Variants in CLIC2 observed in about 807,000 individuals in gnomAD.
The protein encoded by CLIC2 is chloride intracellular channel protein 2.
CLIC2 carries 9 observed loss-of-function variants against 14.8 expected under a neutral mutation model. The observed-to-expected ratio is 0.61, with a 90% CI of 0.37 to 1.06. The LOEUF (loss-of-function observed/expected upper bound fraction) is 1.06, where lower values mean the gene tolerates loss of function less well. CLIC2 is among the 50% of genes least tolerant of loss of function. The pLI is 0.01. For synonymous variants in CLIC2, 61 were observed against 66.3 expected, an observed-to-expected ratio of 0.92 and a Z score of 0.39; for missense variants, 148 against 181.4, an observed-to-expected ratio of 0.82 and a Z score of 1.06.
chrX:155,292,806 A>AAACAAACAAAT (rs2124167925), intron 3 of CLIC2: 1 of 433,109 alleles, frequency 2.3e-6, no homozygotes, highest in East Asian at 4.8e-5. Flanking sequence ...AACAAATAAA[A>AAACAAACAAAT]AAGCTGCCAA....
intron 3 of CLIC2, among the ~76,000 whole-genome samples, chrX:155,286,659 T>A (rs2074944150): frequency 8.9e-6 from 1 of 112,381 alleles, no homozygotes; most frequent in Admixed American, 9.4e-5. Context: ...CTTGACTTTT[T>A]ATTTTTATTT....
chrX:155,318,364 G>T (rs2075101966), intron 1 of CLIC2, among the ~76,000 whole-genome samples: 1 of 111,714 alleles, frequency 9.0e-6, no homozygotes, highest in Non-Finnish European at 1.9e-5. Context: ...AAAGTTTCAG[G>T]ATACAAAATT....
At position 155,315,744 on chromosome X, in the gene CLIC2, T is replaced by C. The variant is rs138541094; in HGVS notation, c.58-16599A>G. ...TTGAGGCAACAAATAGCATGATGAA[T>C]AGAATAGTACCTCACATCTCAGTAC... On this transcript the variant is annotated intron_variant, in intron 1 of 5. Coordinates refer to ENST00000369449, the MANE Select transcript of CLIC2 (RefSeq NM_001289.6). 4.5e-3 allele frequency among the ~76,000 whole-genome samples: 492 copies of C among 110,480 alleles called. 3 individuals carry two copies. The highest frequency in any genetic ancestry group is 0.014 in the African/African-American group (439 of 30,424).
intron 1 of CLIC2, among the ~76,000 whole-genome samples, chrX:155,304,089 G>A (rs1445349327): frequency 9.4e-6 from 1 of 106,827 alleles, no homozygotes; most frequent in Non-Finnish European, 1.9e-5. Flanking sequence ...GAGTATCTTT[G>A]TGGCGTTCTC....
At chrX:155,330,962 TC>T (rs1282405262) in intron 1 of CLIC2, among the ~76,000 whole-genome samples, 17 of 110,871 alleles carry the variant, frequency 1.5e-4, no homozygotes, top group African/African-American at 5.6e-4. Flanking sequence ...ATTATTAAGG[TC>T]CAGAAACACT....
intron 5 of CLIC2, chrX:155,278,840 G>A: frequency 4.5e-6 from 1 of 220,866 alleles, no homozygotes; most frequent in Non-Finnish European, 8.2e-6. Flanking sequence ...AGAGTGGGGT[G>A]GGAGGACTGC....
At chrX:155,315,454 T>C (rs1212831293) in intron 1 of CLIC2, among the ~76,000 whole-genome samples, 1 of 111,909 alleles carries the variant, frequency 8.9e-6, no homozygotes, top group African/African-American at 3.2e-5. Flanking sequence ...GGTCCTATTT[T>C]TAGCCTCCTT....
chrX:155,291,877 G>C (rs1296538854), intron 3 of CLIC2, among the ~76,000 whole-genome samples: 1 of 112,161 alleles, frequency 8.9e-6, no homozygotes, highest in East Asian at 2.8e-4. Context: ...TAAAAAAATG[G>C]GGTCGGACGG....
At chrX:155,317,496 G>A (rs2075099238) in intron 1 of CLIC2, among the ~76,000 whole-genome samples, 2 of 111,556 alleles carry the variant, frequency 1.8e-5, no homozygotes, top group Admixed American at 1.9e-4. Flanking sequence ...AGATCTTCTA[G>A]ATTAAACCAG....
intron 3 of CLIC2, among the ~76,000 whole-genome samples, chrX:155,285,573 T>C (rs2074938983): frequency 9.0e-6 from 1 of 111,467 alleles, no homozygotes; most frequent in Admixed American, 9.6e-5. Context: ...CTCTGGACAA[T>C]GAGCTGTAAA....
At chrX:155,319,635 T>G (rs2075106976) in intron 1 of CLIC2, among the ~76,000 whole-genome samples, 1 of 111,553 alleles carries the variant, frequency 9.0e-6, no homozygotes, top group Non-Finnish European at 1.9e-5. Context: ...GGGCGGCCAT[T>G]TGGGCAGACA....
chrX:155,280,752 G>A lies in CLIC2; in HGVS notation c.294-684C>T, dbSNP rs147566864. Among the ~76,000 whole-genome samples the A allele has an allele frequency of 2.5e-3, 275 of 110,364 alleles. 6 individuals carry two copies. The East Asian group carries it at 0.054, about 22-fold the overall frequency. On this transcript the variant is annotated intron_variant, in intron 3 of 5. Coordinates refer to ENST00000369449, the MANE Select transcript of CLIC2 (RefSeq NM_001289.6). ...AATATTACAACTTATAAAACAAATG[G>A]TGGAATAAATAGGATGGAGAAAATG...
At position 155,298,644 on chromosome X, in the gene CLIC2, G is replaced by T. The variant is rs782530732; in HGVS notation, c.293+141C>A. ...TCTTTTTGTATTTGAAGTTGGAGGG[G>T]TATGTTTATGCATGTGTGTCATTTG... On this transcript the variant is annotated intron_variant, in intron 3 of 5. Transcript: ENST00000369449. 55 of 592,208 alleles carry T rather than the reference G, an allele frequency of 9.3e-5. No individual in the cohort carries two copies. In the South Asian group the frequency reaches 1.4e-3, roughly 15 times the overall value. 48.8% of individuals were successfully genotyped at this position (592,208 alleles called of 1,213,427 possible).
At chrX:155,288,475 C>T (rs1215754065) in intron 3 of CLIC2, among the ~76,000 whole-genome samples, 2 of 111,440 alleles carry the variant, frequency 1.8e-5, no homozygotes, top group Non-Finnish European at 3.8e-5. Context: ...ATAGATGGTA[C>T]AGAAAAACAT....
At chrX:155,288,341 T>C (rs1356635484) in intron 3 of CLIC2, among the ~76,000 whole-genome samples, 2 of 112,324 alleles carry the variant, frequency 1.8e-5, no homozygotes, top group South Asian at 3.7e-4. Context: ...CTATAACAAA[T>C]GCATCACTGA....
intron 3 of CLIC2, chrX:155,290,358 A>G: frequency 2.4e-6 from 1 of 422,778 alleles, no homozygotes; most frequent in Non-Finnish European, 4.2e-6. Flanking sequence ...GATGACTTGA[A>G]TCAGTAGTAG....
chrX:155,314,889 G>C lies in CLIC2; in HGVS notation c.58-15744C>G, dbSNP rs148943946. Among the ~76,000 whole-genome samples, 804 of 111,133 alleles carry C rather than the reference G, an allele frequency of 7.2e-3. 7 individuals carry two copies. The highest frequency in any genetic ancestry group is 0.025 in the African/African-American group (759 of 30,661). ...GAAAGCAAAAATCTTCAATGAAATA[G>C]ATAGCATAAATAAAAAACAACCACA... is the stretch of plus-strand genomic sequence containing the variant. On this transcript the variant is annotated intron_variant, in intron 1 of 5. Transcript: ENST00000369449.
intron 3 of CLIC2, among the ~76,000 whole-genome samples, chrX:155,289,641 T>A (rs1337120956): frequency 8.9e-6 from 1 of 111,988 alleles, no homozygotes; most frequent in Non-Finnish European, 1.9e-5. Context: ...TAATTTAAAT[T>A]TCAATCTGAA....
At chrX:155,311,744 T>C (rs1304494441) in intron 1 of CLIC2, among the ~76,000 whole-genome samples, 1 of 112,218 alleles carries the variant, frequency 8.9e-6, no homozygotes, top group Non-Finnish European at 1.9e-5. Context: ...AGAGGTTTAA[T>C]GGACTCATAG....
Sources: allele counts gnomAD v4.1 joint callset (sites outside exome capture counted in the v4.1 genomes callset), GRCh38; gene constraint gnomAD v4.1.1; transcripts MANE v1.5; gene names NCBI Gene and HGNC (gene_info 2026-07-23, HGNC 2026-07-21).